PLAUR: variants seen among roughly 807,000 people sequenced by gnomAD.
The protein encoded by PLAUR is plasminogen activator, urokinase receptor, also known as urokinase plasminogen activator surface receptor.
Under a neutral mutation model 33.4 loss-of-function variants are expected in PLAUR, and 22 were observed. The ratio of observed to expected loss-of-function variants is 0.66; its 90% confidence interval spans 0.47 to 0.94. PLAUR has a LOEUF of 0.94. Ranked by LOEUF, PLAUR falls within the 40% of genes least tolerant of loss-of-function variation. The pLI is 0.00. For synonymous variants in PLAUR, 148 were observed against 167.3 expected (o/e 0.88, Z 0.89); for missense variants, 408 against 434.7 (o/e 0.94, Z 0.55).
rs1032820404 is a variant in PLAUR, at chr19:43,670,004, A to C, written c.55+62T>G. The C allele has an allele frequency of 1.7e-5, 26 of 1,502,594 alleles. No homozygotes were observed. In the African/African-American group the frequency reaches 3.0e-4, roughly 18 times the overall value. 93.1% of individuals were successfully genotyped at this position (1,502,594 alleles called of 1,614,324 possible). A position where few individuals can be genotyped will look rare whatever the true frequency, so the allele number is the denominator to read the frequency against. On this transcript the variant is annotated intron_variant, in intron 1 of 6. Transcript: ENST00000340093. ...GCATTCCTCCAACTCATCCTCTGAC[A>C]ACCCCCAACCCCCTCAATTAGACCC...
chr19:43,656,326 C>T (rs1396588910), intron 4 of PLAUR, among the ~76,000 whole-genome samples, 153 bp downstream of exon 4: 1 of 151,896 alleles, frequency 6.6e-6, no homozygotes, highest in African/African-American at 2.4e-5. Context: ...TGGACCTGTC[C>T]TTGTGGCCCT....
rs531179636 is a variant in PLAUR at position 43,649,070 on chromosome 19, G to A, written c.828C>T (p.Asp276=). 1.9e-5 allele frequency: 30 copies of A among 1,614,208 alleles called. No homozygotes were observed. The Admixed American group carries it at 3.7e-4, about 20-fold the overall frequency. ...ASMCQHAHLG[D]AFSMNHIDVS... ...CATCAATGTGGTTCATGCTGAAGGC[G>A]TCACCCAGGTGGGCATGTTGGCACA... Residue 276 remains aspartate, a synonymous_variant, in exon 7 of 7, where the codon GAC becomes GAT. Coordinates refer to ENST00000340093, the MANE Select transcript of PLAUR (RefSeq NM_002659.4).
chr19:43,658,367 A>G (rs1476195140), intron 3 of PLAUR, among the ~76,000 whole-genome samples: 1 of 152,232 alleles, frequency 6.6e-6, no homozygotes, highest in Non-Finnish European at 1.5e-5. Context: ...ATCCTGAGCC[A>G]GAACCACCTA....
At chr19:43,647,938 C>CATTT (rs1555778381), downstream of PLAUR, among the ~76,000 whole-genome samples, 6,610 of 133,174 alleles carry the variant, frequency 0.05, 426 homozygotes, top group East Asian at 0.18. Context: ...TTAGAGAGCC[C>CATTT]TTTTTTTTTT....
chr19:43,651,362 C>G (rs926199536), intron 6 of PLAUR, among the ~76,000 whole-genome samples: 4 of 152,112 alleles, frequency 2.6e-5, no homozygotes, highest in Non-Finnish European at 4.4e-5. Flanking sequence ...CAGGCGTGAG[C>G]CACCACTCCT....
In PLAUR at chr19:43,665,308, CT is replaced by C; in HGVS notation, c.310+7del. 1 of 1,613,744 alleles carries C rather than the reference CT, an allele frequency of 6.2e-7. No individual in the cohort carries two copies. Among genetic ancestry groups the C allele is most frequent in the Non-Finnish European group, 8.5e-7 (1 of 1,179,838 alleles). Reference sequence around the variant, plus strand: ...GGGGTTGGGGATGGCAAGGGCTGCCCTACTCACCAGAGTTGCCCTGGTTGCA... The same window carrying C: ...GGGGTTGGGGATGGCAAGGGCTGCCCACTCACCAGAGTTGCCCTGGTTGCA... On this transcript the variant is annotated splice_region_variant and intron_variant, in intron 3 of 6. Coordinates refer to ENST00000340093, the MANE Select transcript of PLAUR (RefSeq NM_002659.4).
Position 43,670,082 on chromosome 19 carries a change from G to C in PLAUR, c.39C>G (p.Leu13=), listed in dbSNP as rs1568568715. 1 of 1,613,060 alleles carries C rather than the reference G, an allele frequency of 6.2e-7. No individual in the cohort carries two copies. Among genetic ancestry groups the C allele is most frequent in the Middle Eastern group, 1.6e-4 (1 of 6,062 alleles). Residue 13 remains leucine, a synonymous_variant, in exon 1 of 7, where the codon CTC becomes CTG. Transcript: ENST00000340093. Reference sequence around the variant, plus strand: ...AGCCCCTACCTGGGACGCAGGTGTGGAGCAGCAGCAGCAGCGGCAGCAGCG... The same window carrying C: ...AGCCCCTACCTGGGACGCAGGTGTGCAGCAGCAGCAGCAGCGGCAGCAGCG... The part of the protein sequence containing the change: ...HPPLLPLLLL[L]HTCVPASWGL...
intron 1 of PLAUR, among the ~76,000 whole-genome samples, chr19:43,669,098 G>A (rs4251807): frequency 0.011 from 1,679 of 149,628 alleles, 29 homozygotes; most frequent in African/African-American, 0.039. Context: ...GTTATTCATC[G>A]CGGCCCCAAC....
downstream of PLAUR, among the ~76,000 whole-genome samples, chr19:43,647,091 A>AT (rs1176155070): frequency 1.3e-5 from 2 of 151,820 alleles, no homozygotes; most frequent in Admixed American, 6.6e-5. Context: ...AAGATATCTT[A>AT]TTTTTTCTTC....
At chr19:43,647,836 A>G (rs2146182685), downstream of PLAUR, among the ~76,000 whole-genome samples, 1 of 152,126 alleles carries the variant, frequency 6.6e-6, no homozygotes, top group Non-Finnish European at 1.5e-5. Context: ...AAGAAAAAGG[A>G]AAAGGAAAGA....
chr19:43,655,510 T>C lies in PLAUR; in HGVS notation c.536A>G (p.Asn179Ser), dbSNP rs138306315. ...CGYLPGCPGSNGFHNNDTFHF... is the reference protein window; with the variant it reads ...CGYLPGCPGSSGFHNNDTFHF... ...GAAGGTGTCGTTGTTGTGGAAACCA[T>C]TGGAGCCCGGGCAGCCGGGAAGGTA... Residue 179 changes from asparagine to serine, a missense_variant, in exon 5 of 7, where the codon AAT becomes AGT. Physicochemically the swap from Asn to Ser is conservative, Grantham distance 46. Transcript: ENST00000340093. 294 of 1,614,188 alleles carry C rather than the reference T, an allele frequency of 1.8e-4. 1 individual carries two copies. In the African/African-American group the frequency reaches 2.9e-3, roughly 16 times the overall value.
chr19:43,664,541 C>T (rs1205976596), intron 3 of PLAUR, among the ~76,000 whole-genome samples: 1 of 152,222 alleles, frequency 6.6e-6, no homozygotes, highest in African/African-American at 2.4e-5. Context: ...AACTCTTGGG[C>T]TCAAGCGGTT....
At chr19:43,668,452 T>G (rs983693497) in intron 1 of PLAUR, 1 of 221,484 alleles carries the variant, frequency 4.5e-6, no homozygotes, top group Admixed American at 7.0e-5. Flanking sequence ...TCCTCGAGGC[T>G]TTAGTCCCTC....
chr19:43,669,094 C>G (rs1415072647), intron 1 of PLAUR, among the ~76,000 whole-genome samples: 1 of 150,708 alleles, frequency 6.6e-6, no homozygotes, highest in Admixed American at 6.7e-5. Context: ...CCGGGTTATT[C>G]ATCGCGGCCC....
At chr19:43,657,799 AAATG>A (rs748818327) in intron 3 of PLAUR, among the ~76,000 whole-genome samples, 7 of 152,204 alleles carry the variant, frequency 4.6e-5, no homozygotes, top group Admixed American at 3.3e-4. Context: ...CATATTTGTT[AAATG>A]AATGAATGAA....
chr19:43,656,051 G>A (rs1477329568), intron 4 of PLAUR, among the ~76,000 whole-genome samples: 2 of 152,024 alleles, frequency 1.3e-5, no homozygotes, highest in South Asian at 2.1e-4. Flanking sequence ...TCAGGAGTTT[G>A]AGACCAGCCT....
rs768565053 is a variant in PLAUR, at chr19:43,648,876, G to A, written c.*14C>T. ...CCCCCGGATCCAGCCAGGGCAGAGA[G>A]GGGGATTTCAGGTTTAGGTCCAGAG... On this transcript the variant is annotated 3_prime_UTR_variant, in exon 7 of 7. Coordinates refer to ENST00000340093, the MANE Select transcript of PLAUR (RefSeq NM_002659.4). 165 of 1,606,574 alleles carry A rather than the reference G, an allele frequency of 1.0e-4. No homozygotes were observed. The highest frequency in any genetic ancestry group is 1.2e-4 in the Non-Finnish European group (144 of 1,174,384).
At chr19:43,662,466 C>G (rs1047463978) in intron 3 of PLAUR, among the ~76,000 whole-genome samples, 1 of 151,996 alleles carries the variant, frequency 6.6e-6, no homozygotes, top group Admixed American at 6.6e-5. Context: ...CCATTGCACT[C>G]CAGCCTGGGC....
chr19:43,662,306 G>A (rs1967036105), intron 3 of PLAUR, among the ~76,000 whole-genome samples: 1 of 152,120 alleles, frequency 6.6e-6, no homozygotes, highest in African/African-American at 2.4e-5. Context: ...GACCAGCCTG[G>A]CCAACATGGT....
Sources: allele counts gnomAD v4.1 joint callset (sites outside exome capture counted in the v4.1 genomes callset), GRCh38; gene constraint gnomAD v4.1.1; transcripts MANE v1.5; gene names NCBI Gene and HGNC (gene_info 2026-07-23, HGNC 2026-07-21).